Variants in KIF25 observed in about 807,000 individuals in gnomAD.
The protein encoded by KIF25 is kinesin family member 25, also known as kinesin-like protein KIF25.
In KIF25, 19 loss-of-function variants were observed where a neutral mutation model predicts 32.9. That is an observed-to-expected ratio of 0.58 (90% CI 0.40 to 0.85). KIF25 has a LOEUF of 0.85. Ranked by LOEUF, KIF25 falls within the 40% of genes least tolerant of loss-of-function variation. The pLI is 0.00. For missense variants in KIF25, 485 were observed against 507.0 expected, an observed-to-expected ratio of 0.96 and a Z score of 0.42; for synonymous variants, 225 against 213.7, an observed-to-expected ratio of 1.05 and a Z score of -0.46.
chr6:168,019,490 C>T (rs557722343), intron 5 of KIF25, among the ~76,000 whole-genome samples: 63 of 152,168 alleles, frequency 4.1e-4, no homozygotes, highest in Non-Finnish European at 6.9e-4. Flanking sequence ...GAGACGCGAA[C>T]GTACTGGTTG....
intron 4 of KIF25, among the ~76,000 whole-genome samples, chr6:168,010,683 A>G (rs185496070): frequency 6.6e-6 from 1 of 152,216 alleles, no homozygotes. Context: ...TGTTGATTTT[A>G]TGTGTAGATG....
At chr6:168,026,904 T>C (rs1233535390) in intron 5 of KIF25, among the ~76,000 whole-genome samples, 1 of 152,102 alleles carries the variant, frequency 6.6e-6, no homozygotes, top group Non-Finnish European at 1.5e-5. Context: ...TGTGTGAAAT[T>C]TCTATAGTCG....
chr6:168,038,994 G>T (rs1002536881), intron 9 of KIF25, among the ~76,000 whole-genome samples: 1 of 152,100 alleles, frequency 6.6e-6, no homozygotes. Context: ...TGATATATTT[G>T]TTAATTAGCT....
chr6:168,005,342 AG>A (rs1028375070), intron 4 of KIF25, among the ~76,000 whole-genome samples: 17 of 152,304 alleles, frequency 1.1e-4, no homozygotes, highest in Middle Eastern at 6.8e-3. Context: ...CCTGACACAG[AG>A]CCCCCCGGAA....
intron 2 of KIF25, among the ~76,000 whole-genome samples, chr6:168,000,316 C>G (rs28684092): frequency 9.7e-4 from 67 of 68,778 alleles, no homozygotes; most frequent in Admixed American, 1.2e-3. Flanking sequence ...ACCACACCTG[C>G]CCCTCCCCAC....
chr6:168,042,075 T>C lies in KIF25; in HGVS notation c.753T>C (p.Pro251=), dbSNP rs1347800592. 3 of 1,551,274 alleles carry C rather than the reference T, an allele frequency of 1.9e-6. No individual in the cohort carries two copies. The highest frequency in any genetic ancestry group is 2.6e-6 in the Non-Finnish European group (3 of 1,147,310). Residue 251 remains proline, a synonymous_variant, in exon 11 of 13, where the codon CCT becomes CCC. Transcript: ENST00000643607. The part of the protein sequence containing the change: ...SQGALAPQLV[P]GNPAGHAEQV... The stretch of plus-strand genomic sequence containing the variant: ...GGGCCTTGGCTCCACAGCTGGTTCC[T>C]GGGAACCCCGCAGGGCATGCGGAGC...
At chr6:168,025,514 C>T (rs538966354) in intron 5 of KIF25, among the ~76,000 whole-genome samples, 195 of 152,270 alleles carry the variant, frequency 1.3e-3, no homozygotes, top group African/African-American at 4.3e-3. Context: ...ACCGTGTCAG[C>T]TGGTGTCGGT....
chr6:168,039,717 C>T (rs1247329092), intron 9 of KIF25, among the ~76,000 whole-genome samples: 2 of 152,322 alleles, frequency 1.3e-5, no homozygotes, highest in Admixed American at 6.5e-5. Context: ...TGGGTTAAAC[C>T]TTTATTTTAC....
chr6:168,024,854 C>T (rs6940235), intron 5 of KIF25, among the ~76,000 whole-genome samples: 1 of 152,022 alleles, frequency 6.6e-6, no homozygotes, highest in African/African-American at 2.4e-5. Context: ...AGTTCGAGAC[C>T]AGCCTGGTCA....
chr6:168,001,608 TGAGGCCGTGGCC>T, intron 2 of KIF25, among the ~76,000 whole-genome samples: 1 of 82,662 alleles, frequency 1.2e-5, no homozygotes, highest in Non-Finnish European at 2.7e-5. Context: ...AGAAGACACC[TGAGGCCGTGGCC>T]TCGGGCAGGT....
chr6:168,033,796 A>G, intron 7 of KIF25, 86 bp from the exon 8 acceptor site: 1 of 1,374,420 alleles, frequency 7.3e-7, no homozygotes, highest in Non-Finnish European at 1.0e-6. Flanking sequence ...AATGTATTGA[A>G]GTTTCTCATA....
At chr6:168,028,310 A>G (rs1223571383) in intron 5 of KIF25, among the ~76,000 whole-genome samples, 2 of 152,122 alleles carry the variant, frequency 1.3e-5, no homozygotes, top group African/African-American at 4.8e-5. Flanking sequence ...TTGGCCTCCC[A>G]AAGTGCTAGG....
chr6:168,034,629 G>A (rs2114904689), intron 8 of KIF25, among the ~76,000 whole-genome samples: 1 of 152,274 alleles, frequency 6.6e-6, no homozygotes, highest in South Asian at 2.1e-4. Context: ...GGGGGATGGT[G>A]AGGGATGGAG....
intron 12 of KIF25, among the ~76,000 whole-genome samples, chr6:168,043,050 T>C (rs1799154468): frequency 3.3e-5 from 5 of 152,098 alleles, no homozygotes; most frequent in Admixed American, 3.3e-4. Flanking sequence ...GTGGCCTGGG[T>C]CCCTCCGGCT....
At chr6:168,018,928 A>C (rs527359860) in intron 5 of KIF25, among the ~76,000 whole-genome samples, 4 of 152,346 alleles carry the variant, frequency 2.6e-5, no homozygotes, top group South Asian at 4.1e-4. Flanking sequence ...AAGAAGGAGG[A>C]GGCCAGGAAA....
At chr6:168,018,859 G>A (rs900851485) in intron 5 of KIF25, among the ~76,000 whole-genome samples, 1 of 152,226 alleles carries the variant, frequency 6.6e-6, no homozygotes, top group Non-Finnish European at 1.5e-5. Flanking sequence ...GTCACATCTG[G>A]AGAAGGGCAG....
intron 2 of KIF25, among the ~76,000 whole-genome samples, chr6:168,001,647 G>GC (rs2114863058): frequency 1.5e-4 from 13 of 88,760 alleles, no homozygotes; most frequent in African/African-American, 6.4e-4. Flanking sequence ...ACACCTTCAG[G>GC]CGTGGCCTCG....
At chr6:168,044,459 T>C (rs1484799891) in intron 12 of KIF25, among the ~76,000 whole-genome samples, 25 of 89,124 alleles carry the variant, frequency 2.8e-4, no homozygotes, top group East Asian at 1.1e-3. Flanking sequence ...CTCCGGGACC[T>C]GGGTGAGGGG....
intron 10 of KIF25, among the ~76,000 whole-genome samples, chr6:168,040,573 A>AAAG (rs548723895): frequency 3.2e-4 from 49 of 151,562 alleles, no homozygotes; most frequent in East Asian, 7.8e-4. Flanking sequence ...TTAAAAAAAA[A>AAAG]AAGAAGAAGA....
Sources: gnomAD v4.1 joint callset for allele counts (sites outside exome capture counted in the v4.1 genomes callset) on GRCh38, gnomAD v4.1.1 for gene constraint, MANE v1.5 for transcripts, NCBI Gene and HGNC (gene_info 2026-07-23, HGNC 2026-07-21) for gene names.